Variants in ANGPTL1 observed in about 807,000 individuals in gnomAD.
The protein encoded by ANGPTL1 is angiopoietin-related protein 1.
A neutral mutation model predicts 46.7 loss-of-function variants in ANGPTL1; 36 were observed. That is an observed-to-expected ratio of 0.77 (90% CI 0.59 to 1.02). The LOEUF (loss-of-function observed/expected upper bound fraction) is 1.02, where lower values mean the gene tolerates loss of function less well. Ranked by LOEUF, ANGPTL1 falls within the 50% of genes least tolerant of loss-of-function variation. The pLI is 0.00. For missense variants in ANGPTL1, 571 were observed against 594.7 expected, an observed-to-expected ratio of 0.96 and a Z score of 0.41; for synonymous variants, 221 against 204.3, an observed-to-expected ratio of 1.08 and a Z score of -0.69.
chr1:178,869,495 A>C (rs1658616828), intron 1 of ANGPTL1, among the ~76,000 whole-genome samples: 1 of 152,118 alleles, frequency 6.6e-6, no homozygotes, highest in Non-Finnish European at 1.5e-5. Context: ...TGCCTGCCTT[A>C]AGACAGCGTC....
chr1:178,862,453 A>G (rs986781290), intron 3 of ANGPTL1, among the ~76,000 whole-genome samples: 2 of 152,186 alleles, frequency 1.3e-5, no homozygotes, highest in South Asian at 4.1e-4. Context: ...TTCTGAGTGT[A>G]TGTAAAGATA....
chr1:178,852,491 A>C (rs1657239228), intron 5 of ANGPTL1, among the ~76,000 whole-genome samples, 192 bp downstream of exon 5: 1 of 152,132 alleles, frequency 6.6e-6, no homozygotes, highest in Non-Finnish European at 1.5e-5. Context: ...TTTTTCACAT[A>C]GATCACACTT....
Position 178,865,288 on chromosome 1 carries a change from T to C in ANGPTL1, c.489A>G (p.Thr163=). 6.2e-7 allele frequency: 1 copy of C among 1,614,100 alleles called. No individual in the cohort carries two copies. The highest frequency in any genetic ancestry group is 8.5e-7 in the Non-Finnish European group (1 of 1,179,986). Residue 163 remains threonine (T), a synonymous_variant, in exon 3 of 6, where the codon ACA becomes ACG. Coordinates refer to ENST00000234816, the MANE Select transcript of ANGPTL1 (RefSeq NM_004673.4). ...QLENKILNVT[T]EMLKMATRYR... is the part of the protein sequence containing the mutation. ...ATCTTGTTGCCATCTTCAACATTTC[T>C]GTGGTGACATTGAGGATTTTGTTTT...
At position 178,865,331 on chromosome 1, in the gene ANGPTL1, A is replaced by G. The variant is rs760227251; in HGVS notation, c.446T>C (p.Leu149Pro). ...HEIIRKRDNS[L>P]ELSQLENKIL... ...TTTGTTTTCCAGTTGGGAAAGTTCA[A>G]GTGAATTATCCCTCTTACGGATAAT... The change falls in exon 3 of 6, where the codon CTT (leucine) becomes CCT (proline). Residue 149 changes from leucine to proline, a missense_variant. Leu to Pro is a moderately conservative substitution (Grantham distance 98, BLOSUM62 -3). Coordinates refer to ENST00000234816, the MANE Select transcript of ANGPTL1 (RefSeq NM_004673.4). 65 of 1,613,956 alleles carry G rather than the reference A, an allele frequency of 4.0e-5. No individual in the cohort carries two copies. Among genetic ancestry groups the G allele is most frequent in the Admixed American group, 1.2e-4 (7 of 59,992 alleles).
chr1:178,858,737 A>G (rs945430705), intron 3 of ANGPTL1, among the ~76,000 whole-genome samples: 13 of 152,230 alleles, frequency 8.5e-5, no homozygotes, highest in Admixed American at 7.8e-4. Context: ...AGGTGTATTT[A>G]TTAAGAACCC....
intron 2 of ANGPTL1, among the ~76,000 whole-genome samples, chr1:178,867,624 C>T (rs1454869467): frequency 3.3e-5 from 5 of 151,928 alleles, no homozygotes; most frequent in African/African-American, 9.7e-5. Flanking sequence ...CTGCCTTTTC[C>T]TGGTTTATGT....
chr1:178,856,190 C>CAGAGAGAG (rs139246466), intron 3 of ANGPTL1, among the ~76,000 whole-genome samples: 6 of 69,112 alleles, frequency 8.7e-5, no homozygotes, highest in African/African-American at 3.3e-4. Flanking sequence ...TGTACTTTTC[C>CAGAGAGAG]AGAGAGAGAG....
intron 3 of ANGPTL1, among the ~76,000 whole-genome samples, chr1:178,862,403 G>C (rs778520240): frequency 2.6e-5 from 4 of 151,934 alleles, no homozygotes; most frequent in Non-Finnish European, 4.4e-5. Context: ...TACCAGGAAG[G>C]AGCTTATAAT....
At chr1:178,859,170 C>T (rs546869113) in intron 3 of ANGPTL1, among the ~76,000 whole-genome samples, 40 of 152,062 alleles carry the variant, frequency 2.6e-4, no homozygotes, top group African/African-American at 9.2e-4. Flanking sequence ...TTATCAATTA[C>T]GTTCTCATAA....
chr1:178,858,142 A>G (rs1178957922), intron 3 of ANGPTL1, among the ~76,000 whole-genome samples: 1 of 152,132 alleles, frequency 6.6e-6, no homozygotes, highest in Non-Finnish European at 1.5e-5. Context: ...TTTTCTCCTC[A>G]GTAAAGATAT....
intron 2 of ANGPTL1, among the ~76,000 whole-genome samples, chr1:178,868,417 T>G (rs533864794): frequency 4.1e-4 from 63 of 152,048 alleles, no homozygotes; most frequent in African/African-American, 1.5e-3. Context: ...AACTCTGAGA[T>G]CATAAAATTA....
chr1:178,867,144 T>C (rs1002807640), intron 2 of ANGPTL1, among the ~76,000 whole-genome samples: 79 of 152,276 alleles, frequency 5.2e-4, no homozygotes, highest in African/African-American at 1.8e-3. Flanking sequence ...TGTTTATGCC[T>C]GTTGTTAATA....
rs1657148016 is a variant in ANGPTL1, at chr1:178,851,163, C to T, written c.1442G>A (p.Arg481Lys). 1 of 1,613,750 alleles carries T rather than the reference C, an allele frequency of 6.2e-7. No individual in the cohort carries two copies. Residue 481 changes from arginine to lysine, a missense_variant, in exon 6 of 6, where the codon AGA (arginine) becomes AAA (lysine). Coordinates refer to ENST00000234816, the MANE Select transcript of ANGPTL1 (RefSeq NM_004673.4). ...AGGCTTGATCATCATCTGAACTGCT[C>T]TTAAGGAGTATGACCCGCCTCTGTA... ...AEYRGGSYSL[R>K]AVQMMIKPID
At position 178,865,425 on chromosome 1, in the gene ANGPTL1, G is replaced by A. The variant is rs749655578; in HGVS notation, c.352C>T (p.Leu118=). Reference sequence around the variant, plus strand: ...ATGTTACGGCTTTCCTTTCTCAGCAGCTTTACCTCATTCACAATGTTTCCA... The same window carrying A: ...ATGTTACGGCTTTCCTTTCTCAGCAACTTTACCTCATTCACAATGTTTCCA... ...VDGNIVNEVK[L]LRKESRNMNS... Residue 118 remains leucine, a synonymous_variant, in exon 3 of 6, where the codon CTG becomes TTG. Transcript: ENST00000234816. 5 of 1,613,956 alleles carry A rather than the reference G, an allele frequency of 3.1e-6. No individual in the cohort carries two copies. The highest frequency in any genetic ancestry group is 3.4e-6 in the Non-Finnish European group (4 of 1,179,994).
chr1:178,856,234 T>TATATACACAC (rs1368301659), intron 3 of ANGPTL1, among the ~76,000 whole-genome samples: 1 of 128,776 alleles, frequency 7.8e-6, no homozygotes, highest in African/African-American at 3.2e-5. Context: ...TATATATATA[T>TATATACACAC]GGTTTTGGGT....
In ANGPTL1 at chr1:178,865,113, G is replaced by A. The variant is rs199920441; in HGVS notation, c.664C>T (p.His222Tyr). 2.5e-6 allele frequency: 4 copies of A among 1,578,738 alleles called. No homozygotes were observed. Among genetic ancestry groups the A allele is most frequent in the East Asian group, 2.2e-5 (1 of 44,534 alleles). Residue 222 changes from histidine to tyrosine, a missense_variant, in exon 3 of 6, where the codon CAT becomes TAT. His to Tyr is a moderately conservative substitution (Grantham distance 83). Coordinates refer to ENST00000234816, the MANE Select transcript of ANGPTL1 (RefSeq NM_004673.4). ...GTATACTGTTGGCTGTTAGGAATAT[G>A]TTGTGGCACCACCTGGACAAGTGGG... is the stretch of plus-strand genomic sequence containing the variant. Reference protein sequence around the residue: ...SPPLVQVVPQHIPNSQQYTPG... With the variant: ...SPPLVQVVPQYIPNSQQYTPG...
intron 2 of ANGPTL1, among the ~76,000 whole-genome samples, chr1:178,866,748 C>G (rs746219252): frequency 6.6e-6 from 1 of 152,116 alleles, no homozygotes; most frequent in Non-Finnish European, 1.5e-5. Context: ...AGGTCTAGAT[C>G]GGATTCTCTG....
At chr1:178,851,344 G>A (rs746318931) in intron 5 of ANGPTL1, 28 bp from the exon 6 acceptor site, 2 of 1,582,416 alleles carry the variant, frequency 1.3e-6, no homozygotes, top group African/African-American at 2.7e-5. Flanking sequence ...AGATATAAAT[G>A]TAAAAGTTTC....
rs752463294 is a variant in ANGPTL1 at position 178,864,936 on chromosome 1, C to T, written c.823+18G>A. ...ATAAACCTCATACTCCCACTTTTTACAGTAAGAGGTAACTCACCTTCATTG... is the reference window on the plus strand; with the variant it reads ...ATAAACCTCATACTCCCACTTTTTATAGTAAGAGGTAACTCACCTTCATTG... On this transcript the variant is annotated intron_variant, in intron 3 of 5. Coordinates refer to ENST00000234816, the MANE Select transcript of ANGPTL1 (RefSeq NM_004673.4). The T allele has an allele frequency of 1.4e-6, 2 of 1,406,774 alleles. No individual in the cohort carries two copies. Among genetic ancestry groups the T allele is most frequent in the Non-Finnish European group, 9.3e-7 (1 of 1,075,222 alleles). The allele number at this position is 1,406,774 out of a possible 1,614,324, so 87.1% of individuals were successfully genotyped here.
Sources: gnomAD v4.1 joint callset for allele counts (sites outside exome capture counted in the v4.1 genomes callset) on GRCh38, gnomAD v4.1.1 for gene constraint, MANE v1.5 for transcripts, NCBI Gene and HGNC (gene_info 2026-07-23, HGNC 2026-07-21) for gene names.